CTIF: variants seen among roughly 807,000 people sequenced by gnomAD.
CTIF encodes the protein cap binding complex dependent translation initiation factor.
In CTIF, 21 loss-of-function variants were observed where a neutral mutation model predicts 66.0. The observed-to-expected ratio is 0.32, with a 90% CI of 0.23 to 0.46. The LOEUF (loss-of-function observed/expected upper bound fraction) is 0.46, where lower values mean the gene tolerates loss of function less well. CTIF is among the 20% of genes least tolerant of loss of function. CTIF has a pLI of 1.00. For synonymous variants in CTIF, 345 were observed against 326.4 expected, an observed-to-expected ratio of 1.06 and a Z score of -0.62; for missense variants, 739 against 812.7, an observed-to-expected ratio of 0.91 and a Z score of 1.10.
chr18:48,649,185 G>C (rs2091108370), intron 3 of CTIF, among the ~76,000 whole-genome samples: 1 of 152,168 alleles, frequency 6.6e-6, no homozygotes, highest in Non-Finnish European at 1.5e-5. Flanking sequence ...GGGGTCAGGG[G>C]ATTTCCCTTT....
At chr18:48,735,029 G>A (rs1402029510) in intron 7 of CTIF, among the ~76,000 whole-genome samples, 1 of 152,186 alleles carries the variant, frequency 6.6e-6, no homozygotes, top group African/African-American at 2.4e-5. Context: ...TGTGCAATAT[G>A]TGTACAAGTA....
chr18:48,701,999 A>G (rs2092091000), intron 6 of CTIF, among the ~76,000 whole-genome samples: 1 of 152,242 alleles, frequency 6.6e-6, no homozygotes, highest in Non-Finnish European at 1.5e-5. Flanking sequence ...TCATGAAATC[A>G]AAGAAAGTCT....
chr18:48,837,582 C>T (rs2068840864), intron 10 of CTIF, among the ~76,000 whole-genome samples: 1 of 152,098 alleles, frequency 6.6e-6, no homozygotes, highest in Admixed American at 6.5e-5. Flanking sequence ...AAGAGGGTCT[C>T]AGTCATTTAT....
intron 1 of CTIF, among the ~76,000 whole-genome samples, chr18:48,562,575 A>G (rs184298648): frequency 2.6e-4 from 40 of 152,240 alleles, no homozygotes; most frequent in Admixed American, 9.1e-4. Context: ...AGGCTATAAC[A>G]TCTGGCAAAT....
rs183025809 is a variant in CTIF at position 48,676,262 on chromosome 18, T to C, written c.507+5518T>C. Reference sequence around the variant, plus strand: ...ACAGTGGCCTGGTGCTTTTGTGTCATATACAATACCCCATTGAAAGACGTT... The same window carrying C: ...ACAGTGGCCTGGTGCTTTTGTGTCACATACAATACCCCATTGAAAGACGTT... On this transcript the variant is annotated intron_variant, in intron 6 of 11. Transcript: ENST00000256413. Among the ~76,000 whole-genome samples the C allele has an allele frequency of 1.5e-3, 235 of 152,340 alleles. 2 individuals are homozygous for C. Among genetic ancestry groups the C allele is most frequent in the East Asian group, 5.4e-3 (28 of 5,172 alleles).
At chr18:48,731,251 A>G (rs2092454789) in intron 7 of CTIF, among the ~76,000 whole-genome samples, 1 of 151,998 alleles carries the variant, frequency 6.6e-6, no homozygotes, top group South Asian at 2.1e-4. Context: ...CTCCAGGCCC[A>G]CTCTGCAGAC....
chr18:48,852,165 T>A (rs1336840615), intron 10 of CTIF, among the ~76,000 whole-genome samples: 1 of 142,090 alleles, frequency 7.0e-6, no homozygotes, highest in African/African-American at 2.7e-5. Flanking sequence ...GCCCAGCAGG[T>A]TGAGGCTATA....
chr18:48,854,106 G>A (rs1324255663), intron 10 of CTIF, among the ~76,000 whole-genome samples: 1 of 152,122 alleles, frequency 6.6e-6, no homozygotes. Context: ...CTTTGCTTGG[G>A]GTTAAAGGGC....
Position 48,618,782 on chromosome 18 carries a change from G to A in CTIF, c.-28-756G>A, listed in dbSNP as rs113607228. ...CCAGCCATAGCTGGTCATCTATGCC[G>A]CGCTGCCCCAGAGAGAGGGTGCGAG... On this transcript the variant is annotated intron_variant, in intron 1 of 11. Transcript: ENST00000256413. Among the ~76,000 whole-genome samples, 26 of 152,340 alleles carry A rather than the reference G, an allele frequency of 1.7e-4. No homozygotes were observed. The East Asian group carries it at 3.3e-3, about 19-fold the overall frequency.
At chr18:48,776,568 C>T (rs1354246203) in intron 9 of CTIF, among the ~76,000 whole-genome samples, 1 of 152,270 alleles carries the variant, frequency 6.6e-6, no homozygotes, top group Non-Finnish European at 1.5e-5. Flanking sequence ...ACCGTCTGAG[C>T]CTCAGCATCC....
rs2069415733 is a variant in CTIF, at chr18:48,859,677, A to C, written c.*118A>C. 2.1e-6 allele frequency: 2 copies of C among 950,502 alleles called. No homozygotes were observed. The highest frequency in any genetic ancestry group is 3.2e-5 in the African/African-American group (2 of 61,678). The allele number at this position is 950,502 out of a possible 1,614,324, so 58.9% of individuals were successfully genotyped here. On this transcript the variant is annotated 3_prime_UTR_variant, in exon 12 of 12. Transcript: ENST00000256413. ...GGGAGAAAGAAATGGGGAGGAGGGC[A>C]GGCAGAGTCGGTGGCCAGTCTGGAG...
At chr18:48,849,926 G>A (rs1017907396) in intron 10 of CTIF, among the ~76,000 whole-genome samples, 9 of 152,064 alleles carry the variant, frequency 5.9e-5, no homozygotes, top group African/African-American at 9.7e-5. Flanking sequence ...GGCATTAAGC[G>A]TATTCACACT....
At chr18:48,550,756 A>C (rs561474415) in intron 1 of CTIF, among the ~76,000 whole-genome samples, 17 of 152,132 alleles carry the variant, frequency 1.1e-4, no homozygotes, top group Non-Finnish European at 1.5e-4. Context: ...CTGTCCTGGG[A>C]GTCATCAGGG....
At chr18:48,719,739 T>C (rs750259875) in intron 7 of CTIF, among the ~76,000 whole-genome samples, 30 of 152,222 alleles carry the variant, frequency 2.0e-4, no homozygotes, top group Non-Finnish European at 3.7e-4. Flanking sequence ...TTTACTGCCA[T>C]GTTTTTCACA....
intron 1 of CTIF, among the ~76,000 whole-genome samples, chr18:48,608,883 G>A (rs747679449): frequency 9.9e-5 from 15 of 152,214 alleles, no homozygotes; most frequent in Non-Finnish European, 1.9e-4. Flanking sequence ...CAGAGAGAAC[G>A]TTGCCTGAGA....
At chr18:48,783,052 C>G (rs1469474338) in intron 9 of CTIF, among the ~76,000 whole-genome samples, 1 of 152,276 alleles carries the variant, frequency 6.6e-6, no homozygotes, top group Admixed American at 6.5e-5. Flanking sequence ...TTTACCTGTC[C>G]TGGGTCCTAA....
intron 1 of CTIF, among the ~76,000 whole-genome samples, chr18:48,542,849 GTTC>G (rs976039754): frequency 1.3e-5 from 2 of 152,208 alleles, no homozygotes; most frequent in Non-Finnish European, 2.9e-5. Context: ...CCAGAGGTAT[GTTC>G]TTCTGTGGAA....
chr18:48,616,324 G>C (rs1366488731), intron 1 of CTIF, among the ~76,000 whole-genome samples: 1 of 152,228 alleles, frequency 6.6e-6, no homozygotes, highest in African/African-American at 2.4e-5. Flanking sequence ...CAGCTTCCCG[G>C]GGCCAGGCAC....
intron 7 of CTIF, 145 bp from the exon 8 acceptor site, chr18:48,757,774 G>C (rs890930344): frequency 2.7e-6 from 3 of 1,118,858 alleles, no homozygotes; most frequent in Non-Finnish European, 3.8e-6. Flanking sequence ...ACAGACTCTG[G>C]CACGTAGAAG....
Sources: gnomAD v4.1 joint callset for allele counts (sites outside exome capture counted in the v4.1 genomes callset) on GRCh38, gnomAD v4.1.1 for gene constraint, MANE v1.5 for transcripts, NCBI Gene and HGNC (gene_info 2026-07-23, HGNC 2026-07-21) for gene names.